SP110: variants seen among roughly 807,000 people sequenced by gnomAD.
The protein encoded by SP110 is SP110 nuclear body protein, also known as interferon-induced protein 41, 30kD.
SP110 carries 62 observed loss-of-function variants against 92.7 expected under a neutral mutation model. That is an observed-to-expected ratio of 0.67 (90% confidence interval 0.55 to 0.83). The LOEUF (loss-of-function observed/expected upper bound fraction) is 0.83. Among genes scored for constraint, SP110 ranks in the 40% least tolerant of loss-of-function variants. The pLI, the probability that SP110 is intolerant of heterozygous loss-of-function variation, is 0.00. For missense variants in SP110, 793 were observed against 863.9 expected, an observed-to-expected ratio of 0.92 and a Z score of 1.03; for synonymous variants, 273 against 305.3, an observed-to-expected ratio of 0.89 and a Z score of 1.10.
Position 230,178,235 on chromosome 2 carries a change from C to T in SP110, c.1369G>A (p.Val457Met). The part of the protein sequence containing the change: ...HRRGKPKSDT[V>M]DFHCSKLPVT... ...GGGAGCTTAGAACAGTGAAAATCCACAGTGTCACTTTTGGGTTTTCCTTAA... is the reference window on the plus strand; with the variant it reads ...GGGAGCTTAGAACAGTGAAAATCCATAGTGTCACTTTTGGGTTTTCCTTAA... The change falls in exon 13 of 19, where the codon GTG (valine) becomes ATG (methionine). Residue 457 changes from valine to methionine, a missense_variant. Coordinates refer to ENST00000258381, the MANE Select transcript of SP110 (RefSeq NM_080424.4). 6.2e-6 allele frequency: 10 copies of T among 1,612,060 alleles called. No homozygotes were observed. The highest frequency in any genetic ancestry group is 2.2e-5 in the East Asian group (1 of 44,870).
intron 12 of SP110, 121 bp from the exon 13 acceptor site, chr2:230,178,376 G>T (rs1236774469): frequency 2.9e-6 from 2 of 690,236 alleles, no homozygotes; most frequent in East Asian, 2.8e-5. Context: ...TGGTTAGTTT[G>T]CAGGAACTCT....
intron 12 of SP110, among the ~76,000 whole-genome samples, chr2:230,180,650 G>A (rs2148724438): frequency 6.6e-6 from 1 of 152,268 alleles, no homozygotes; most frequent in Admixed American, 6.5e-5. Context: ...ATTTACACAT[G>A]CCAGACCCAG....
At chr2:230,174,654 C>T (rs2041770038) in intron 14 of SP110, among the ~76,000 whole-genome samples, 2 of 152,268 alleles carry the variant, frequency 1.3e-5, no homozygotes, top group Admixed American at 1.3e-4. Context: ...GAGGCTCTCA[C>T]AGGCCAAGTC....
chr2:230,214,352 C>T (rs530981679), intron 3 of SP110, among the ~76,000 whole-genome samples: 4 of 152,194 alleles, frequency 2.6e-5, no homozygotes, highest in Admixed American at 6.5e-5. Flanking sequence ...TGTCCTTGTC[C>T]GGACTAGTGG....
At chr2:230,194,148 G>T (rs2042757611) in intron 10 of SP110, among the ~76,000 whole-genome samples, 1 of 152,096 alleles carries the variant, frequency 6.6e-6, no homozygotes, top group South Asian at 2.1e-4. Flanking sequence ...AGAAAAATTA[G>T]AGGGCTTTCC....
chr2:230,192,080 T>C (rs2042658412), intron 10 of SP110, among the ~76,000 whole-genome samples: 1 of 152,078 alleles, frequency 6.6e-6, no homozygotes, highest in Non-Finnish European at 1.5e-5. Flanking sequence ...GATAAAATTC[T>C]ACATCCCTTC....
At chr2:230,186,235 T>A in intron 10 of SP110, 92 bp from the exon 11 acceptor site, 1 of 1,217,152 alleles carries the variant, frequency 8.2e-7, no homozygotes, top group Non-Finnish European at 1.2e-6. Flanking sequence ...CATTTCTCTA[T>A]AATTCTCTCT....
chr2:230,172,365 C>T (rs999557778), intron 15 of SP110, 191 bp from the exon 16 acceptor site: 16 of 638,638 alleles, frequency 2.5e-5, no homozygotes, highest in African/African-American at 3.6e-5. Context: ...TAGCGGCAGG[C>T]GGGCAGCCTG....
At chr2:230,173,753 T>C (rs1367202338) in intron 14 of SP110, 1 of 152,226 alleles carries the variant, frequency 6.6e-6, no homozygotes, top group African/African-American at 2.4e-5. Context: ...ACCCCACCTG[T>C]GATGGCCCAA....
intron 10 of SP110, among the ~76,000 whole-genome samples, chr2:230,194,881 G>C (rs1275580992): frequency 6.6e-6 from 1 of 152,172 alleles, no homozygotes; most frequent in South Asian, 2.1e-4. Flanking sequence ...TGTTAGGTTT[G>C]CTCTTCCTTT....
chr2:230,200,619 G>C, intron 10 of SP110: 1 of 511,154 alleles, frequency 2.0e-6, no homozygotes, highest in South Asian at 2.1e-5. Flanking sequence ...GCCAGTAGTG[G>C]AAAAACTCAT....
chr2:230,174,575 C>A (rs893493675), intron 14 of SP110, among the ~76,000 whole-genome samples: 12 of 152,230 alleles, frequency 7.9e-5, no homozygotes, highest in African/African-American at 2.9e-4. Flanking sequence ...AAAAGCTGTT[C>A]TCCTCAGCCT....
intron 9 of SP110, among the ~76,000 whole-genome samples, chr2:230,202,349 T>C (rs1162729130): frequency 6.6e-6 from 1 of 152,234 alleles, no homozygotes; most frequent in Non-Finnish European, 1.5e-5. Context: ...ATTTGAGAGC[T>C]GCTGCCCCAG....
intron 10 of SP110, among the ~76,000 whole-genome samples, chr2:230,187,741 A>T (rs2042421982): frequency 6.6e-6 from 1 of 152,170 alleles, no homozygotes. Context: ...CCATTTATTA[A>T]ATATGGTGTC....
rs2044449824 is a variant in SP110 at position 230,211,322 on chromosome 2, A to G, written c.751+148T>C. 1.4e-6 allele frequency: 1 copy of G among 697,780 alleles called. No homozygotes were observed. The highest frequency in any genetic ancestry group is 1.5e-5 in the South Asian group (1 of 67,102). The allele number at this position is 697,780 out of a possible 1,614,324, so 43.2% of individuals were successfully genotyped here. ...AGAGGTCGGGTCTCCTGCCTGTTCA[A>G]GCTCCCAAGTGCTGGGTGAACTGGA... On this transcript the variant is annotated intron_variant, in intron 6 of 18. Transcript: ENST00000258381. The surrounding 1 kb of genome is among the most constrained non-coding windows in gnomAD (Gnocchi z 4.2).
upstream of SP110, among the ~76,000 whole-genome samples, chr2:230,222,726 T>A (rs930334982): frequency 2.0e-5 from 3 of 151,462 alleles, no homozygotes; most frequent in Non-Finnish European, 4.4e-5. Flanking sequence ...AGACCATTTC[T>A]GTTACCCTAG....
intron 10 of SP110, among the ~76,000 whole-genome samples, chr2:230,195,873 G>A (rs996392838): frequency 9.2e-5 from 14 of 152,064 alleles, no homozygotes; most frequent in African/African-American, 3.4e-4. Context: ...ATAGCATATA[G>A]AAGGTTAATA....
intron 15 of SP110, chr2:230,172,639 T>G: frequency 3.4e-6 from 2 of 584,410 alleles, no homozygotes; most frequent in Non-Finnish European, 6.1e-6. Flanking sequence ...GTCCAGGGAA[T>G]AGCATACTAG....
At chr2:230,221,145 G>A (rs1399687230), upstream of SP110, among the ~76,000 whole-genome samples, 1 of 151,796 alleles carries the variant, frequency 6.6e-6, no homozygotes, top group African/African-American at 2.4e-5. Flanking sequence ...GCCAGATGTG[G>A]TGGCGGGAAC....
Sources: gnomAD v4.1 joint callset for allele counts (sites outside exome capture counted in the v4.1 genomes callset) on GRCh38, gnomAD v4.1.1 for gene constraint, Gnocchi (gnomAD v3.1) non-coding constraint, MANE v1.5 for transcripts, NCBI Gene and HGNC (gene_info 2026-07-23, HGNC 2026-07-21) for gene names.